Variants in CAMTA1 observed in about 807,000 individuals in gnomAD.
The protein encoded by CAMTA1 is calmodulin binding transcription activator 1.
A neutral mutation model predicts 170.9 loss-of-function variants in CAMTA1; 27 were observed. The ratio of observed to expected loss-of-function variants is 0.16; its 90% CI spans 0.12 to 0.22. The LOEUF (loss-of-function observed/expected upper bound fraction) is 0.22. Ranked by LOEUF, CAMTA1 falls within the 10% of genes least tolerant of loss-of-function variation. The pLI, the probability that CAMTA1 is intolerant of heterozygous loss-of-function variation, is 1.00. For missense variants in CAMTA1, 1,619 were observed against 2,217.2 expected (o/e 0.73, Z 5.42); for synonymous variants, 833 against 891.5 (o/e 0.93, Z 1.17).
At chr1:7,307,332 A>AT (rs34792044) in intron 5 of CAMTA1, among the ~76,000 whole-genome samples, 4 of 150,546 alleles carry the variant, frequency 2.7e-5, no homozygotes, top group Non-Finnish European at 4.5e-5. Flanking sequence ...GAGTTCTAGG[A>AT]TTTTTTTTTT....
chr1:7,193,359 A>T (rs1311120269), intron 4 of CAMTA1, among the ~76,000 whole-genome samples: 1 of 151,878 alleles, frequency 6.6e-6, no homozygotes, highest in East Asian at 2.0e-4. Flanking sequence ...CTCAAAAAAA[A>T]AAAAAAAGTC....
chr1:7,679,474 G>T (rs776203847), intron 11 of CAMTA1, among the ~76,000 whole-genome samples: 10 of 152,056 alleles, frequency 6.6e-5, no homozygotes, highest in Admixed American at 6.5e-4. Flanking sequence ...GGGGGAAGGG[G>T]AGCCACCCAA....
chr1:7,744,944 C>A lies in CAMTA1; in HGVS notation c.4292C>A (p.Ala1431Asp). The A allele has an allele frequency of 6.2e-7, 1 of 1,614,122 alleles. No individual in the cohort carries two copies. The highest frequency in any genetic ancestry group is 8.5e-7 in the Non-Finnish European group (1 of 1,180,016). Residue 1431 changes from alanine (A) to aspartate (D), a missense_variant, in exon 17 of 23, where the codon GCC (alanine) becomes GAC (aspartate). This residue lies in a region of CAMTA1 where 370 missense variants were observed against 429.4 expected (regional missense o/e 0.86). Coordinates refer to ENST00000303635, the MANE Select transcript of CAMTA1 (RefSeq NM_015215.4). ...TCAGGATTGGAAAGAACAGACCCTG[C>A]CACCATTAGCAGTACAATGAGCTGG... ...ESSGLERTDP[A>D]TISSTMSWLA...
intron 5 of CAMTA1, among the ~76,000 whole-genome samples, chr1:7,295,464 C>T (rs1673796983): frequency 6.6e-6 from 1 of 152,200 alleles, no homozygotes; most frequent in African/African-American, 2.4e-5. Flanking sequence ...TGGTACTTAG[C>T]AGCGTTCTAG....
intron 3 of CAMTA1, among the ~76,000 whole-genome samples, chr1:7,032,380 A>G (rs1702932490): frequency 1.3e-5 from 2 of 152,062 alleles, no homozygotes; most frequent in Non-Finnish European, 2.9e-5. Flanking sequence ...TGCTTGTTTT[A>G]GAGTTTTTAG....
At chr1:7,427,743 C>T (rs972694532) in intron 5 of CAMTA1, among the ~76,000 whole-genome samples, 9 of 152,234 alleles carry the variant, frequency 5.9e-5, no homozygotes, top group Non-Finnish European at 1.2e-4. Context: ...TCCCTCTGCA[C>T]ACATTCTGCC....
At chr1:7,253,156 C>A (rs1666871989) in intron 5 of CAMTA1, among the ~76,000 whole-genome samples, 1 of 152,178 alleles carries the variant, frequency 6.6e-6, no homozygotes, top group Admixed American at 6.5e-5. Context: ...CTGGAGTTGG[C>A]CCTGCACCCC....
At chr1:7,488,521 A>G (rs2093650004) in intron 6 of CAMTA1, among the ~76,000 whole-genome samples, 1 of 152,146 alleles carries the variant, frequency 6.6e-6, no homozygotes, top group African/African-American at 2.4e-5. Context: ...ACACACATGT[A>G]CACACAATAC....
At chr1:7,019,458 C>T (rs903723439) in intron 3 of CAMTA1, among the ~76,000 whole-genome samples, 1 of 152,198 alleles carries the variant, frequency 6.6e-6, no homozygotes, top group African/African-American at 2.4e-5. Context: ...CTGGTGAGGG[C>T]AGCTCCTGGT....
chr1:7,651,249 A>G (rs1477317774), intron 7 of CAMTA1, among the ~76,000 whole-genome samples: 1 of 152,162 alleles, frequency 6.6e-6, no homozygotes, highest in Non-Finnish European at 1.5e-5. Flanking sequence ...ACGAGCCCAG[A>G]TGGAGGAGGA....
At chr1:7,002,681 G>A (rs1698407073) in intron 3 of CAMTA1, among the ~76,000 whole-genome samples, 1 of 152,186 alleles carries the variant, frequency 6.6e-6, no homozygotes, top group South Asian at 2.1e-4. Context: ...AACCGACAGT[G>A]CATCTCCTTG....
intron 3 of CAMTA1, among the ~76,000 whole-genome samples, chr1:7,087,988 G>T (rs1164183680): frequency 6.6e-6 from 1 of 152,236 alleles, no homozygotes; most frequent in Non-Finnish European, 1.5e-5. Context: ...TGCCCATCTG[G>T]TGAGGGGGTG....
chr1:7,443,891 C>A lies in CAMTA1; in HGVS notation c.439-23939C>A, dbSNP rs1218982486. On this transcript the variant is annotated intron_variant, in intron 5 of 22. Coordinates refer to ENST00000303635, the MANE Select transcript of CAMTA1 (RefSeq NM_015215.4). The surrounding 1 kb of genome is among the most constrained non-coding windows in gnomAD (Gnocchi z 4.1). ...CAGAGGGAGGAGGCACAGCCTCTCA[C>A]CCATGCCTCTGCCTGGACACAGGAC... Among the ~76,000 whole-genome samples, 2 of 152,208 alleles carry A rather than the reference C, an allele frequency of 1.3e-5. No homozygotes were observed. The highest frequency in any genetic ancestry group is 2.9e-5 in the Non-Finnish European group (2 of 68,044).
chr1:7,398,823 G>T (rs970576935), intron 5 of CAMTA1, among the ~76,000 whole-genome samples: 1 of 151,080 alleles, frequency 6.6e-6, no homozygotes, highest in Non-Finnish European at 1.5e-5. Flanking sequence ...TTTTTCCTTT[G>T]TAGTTACTAC....
In CAMTA1 at chr1:7,067,537, G is replaced by A. The variant is rs1396034975; in HGVS notation, c.235-23767G>A. On this transcript the variant is annotated intron_variant, in intron 3 of 22. Coordinates refer to ENST00000303635, the MANE Select transcript of CAMTA1 (RefSeq NM_015215.4). The surrounding 1 kb of genome is among the most constrained non-coding windows in gnomAD (Gnocchi z 4.3). ...ATTCATTCATTCAACAAATATTTGA[G>A]TATCTGCTGCATGCTGGGAACCATG... is the stretch of plus-strand genomic sequence containing the variant. 6.6e-6 allele frequency among the ~76,000 whole-genome samples: 1 copy of A among 152,160 alleles called. No homozygotes were observed. The highest frequency in any genetic ancestry group is 2.4e-5 in the African/African-American group (1 of 41,424).
At position 7,092,430 on chromosome 1, in the gene CAMTA1, T is replaced by G. The variant is rs768941446; in HGVS notation, c.302+1059T>G. Among the ~76,000 whole-genome samples, 56 of 152,196 alleles carry G rather than the reference T, an allele frequency of 3.7e-4. No homozygotes were observed. Among genetic ancestry groups the G allele is most frequent in the Non-Finnish European group, 6.5e-4 (44 of 68,020 alleles). ...CACATTATTAGGCTGAGATATTTAC[T>G]GGTTAGCATCTTTTAGGTGAGGGCA... On this transcript the variant is annotated intron_variant, in intron 4 of 22. Transcript: ENST00000303635. The surrounding 1 kb of genome is among the most constrained non-coding windows in gnomAD (Gnocchi z 5.0).
At chr1:7,133,952 A>G (rs565064799) in intron 4 of CAMTA1, among the ~76,000 whole-genome samples, 2 of 152,312 alleles carry the variant, frequency 1.3e-5, no homozygotes, top group African/African-American at 4.8e-5. Flanking sequence ...TGTTTGTTAC[A>G]TGGGTGTATT....
At chr1:7,207,380 G>A (rs1657930586) in intron 4 of CAMTA1, among the ~76,000 whole-genome samples, 1 of 152,100 alleles carries the variant, frequency 6.6e-6, no homozygotes, top group African/African-American at 2.4e-5. Context: ...AAATGAATGT[G>A]GAAAGAAAAT....
At chr1:6,975,715 C>T (rs772822790) in intron 3 of CAMTA1, among the ~76,000 whole-genome samples, 1 of 152,122 alleles carries the variant, frequency 6.6e-6, no homozygotes, top group Non-Finnish European at 1.5e-5. Context: ...TTTTAGTATA[C>T]TCACAGAGTT....
Sources: gnomAD v4.1 joint callset for allele counts (sites outside exome capture counted in the v4.1 genomes callset) on GRCh38, gnomAD v4.1.1 for gene constraint, gnomAD v4.1.1 regional missense constraint, Gnocchi (gnomAD v3.1) non-coding constraint, MANE v1.5 for transcripts, NCBI Gene and HGNC (gene_info 2026-07-23, HGNC 2026-07-21) for gene names.